ADAMTS5: variants seen among roughly 807,000 people sequenced by gnomAD.
ADAMTS5 encodes the protein ADAM metallopeptidase with thrombospondin type 1 motif 5, also known as A disintegrin and metalloproteinase with thrombospondin motifs 5.
In ADAMTS5, 54 loss-of-function variants were observed where a neutral mutation model predicts 81.4. The observed-to-expected ratio is 0.66, with a 90% CI of 0.53 to 0.83. The LOEUF (loss-of-function observed/expected upper bound fraction) is 0.83. Ranked by LOEUF, ADAMTS5 falls within the 40% of genes least tolerant of loss-of-function variation. The pLI is 0.00. For missense variants in ADAMTS5, 1,194 were observed against 1,229.9 expected (o/e 0.97, Z 0.44); for synonymous variants, 532 against 508.8 (o/e 1.05, Z -0.61).
intron 2 of ADAMTS5, among the ~76,000 whole-genome samples, chr21:26,948,198 G>C (rs1278061652): frequency 6.6e-6 from 1 of 152,182 alleles, no homozygotes; most frequent in Non-Finnish European, 1.5e-5. Context: ...TGTTGGTTCA[G>C]CTTCTTATTC....
rs1987605617 is a variant in ADAMTS5, at chr21:26,964,844, A to G, written c.1104+444T>C. On this transcript the variant is annotated intron_variant, in intron 1 of 7. Coordinates refer to ENST00000284987, the MANE Select transcript of ADAMTS5 (RefSeq NM_007038.5). Reference sequence around the variant, plus strand: ...AAAAGAAGGTCATCGGATAACAGTGAGTACCGTGAGTGAACCATCCAGCCC... The same window carrying G: ...AAAAGAAGGTCATCGGATAACAGTGGGTACCGTGAGTGAACCATCCAGCCC... 1.3e-5 allele frequency among the ~76,000 whole-genome samples: 2 copies of G among 152,246 alleles called. 1 individual carries two copies. The highest frequency in any genetic ancestry group is 4.1e-4 in the South Asian group (2 of 4,828).
At chr21:26,926,194 C>A (rs921911216) in intron 7 of ADAMTS5, among the ~76,000 whole-genome samples, 1 of 152,108 alleles carries the variant, frequency 6.6e-6, no homozygotes, top group South Asian at 2.1e-4. Flanking sequence ...TCGCTTTAGC[C>A]CAGGTCTTGG....
At chr21:26,932,770 ATAT>A (rs1330540982) in intron 5 of ADAMTS5, 88 bp downstream of exon 5, 23 of 1,387,308 alleles carry the variant, frequency 1.7e-5, no homozygotes, top group Admixed American at 2.5e-5. Context: ...TATAAGATTA[ATAT>A]TATTTCCCCA....
chr21:26,943,581 CGTGATTGT>C (rs768686943), intron 2 of ADAMTS5, 34 bp from the exon 3 acceptor site: 3 of 1,579,180 alleles, frequency 1.9e-6, no homozygotes, highest in Non-Finnish European at 2.6e-6. Flanking sequence ...ACAAATAATC[CGTGATTGT>C]GTATTTCTAT....
At chr21:26,925,282 T>C (rs1419954319) in intron 7 of ADAMTS5, among the ~76,000 whole-genome samples, 1 of 152,202 alleles carries the variant, frequency 6.6e-6, no homozygotes, top group African/African-American at 2.4e-5. Flanking sequence ...ATTCTGGATT[T>C]GGTGGGACAG....
chr21:26,945,981 T>A (rs1399727650), intron 2 of ADAMTS5, among the ~76,000 whole-genome samples: 1 of 152,134 alleles, frequency 6.6e-6, no homozygotes, highest in Non-Finnish European at 1.5e-5. Context: ...GAATGAACAC[T>A]CTGTGCTCCA....
rs191073777 is a variant in ADAMTS5 at position 26,939,280 on chromosome 21, A to G, written c.1405+4100T>C. 1.9e-3 allele frequency among the ~76,000 whole-genome samples: 296 copies of G among 152,344 alleles called. 23 individuals are homozygous for G. The South Asian group carries it at 0.049, about 25-fold the overall frequency. ...GTTGAGCAGATGTAATGGCAAGGAAATTAAATTAAAGATTCCCTGTGATAG... is the reference window on the plus strand; with the variant it reads ...GTTGAGCAGATGTAATGGCAAGGAAGTTAAATTAAAGATTCCCTGTGATAG... On this transcript the variant is annotated intron_variant, in intron 3 of 7. Coordinates refer to ENST00000284987, the MANE Select transcript of ADAMTS5 (RefSeq NM_007038.5).
Position 26,959,066 on chromosome 21 carries a change from C to T in ADAMTS5, c.1105-4195G>A, listed in dbSNP as rs145427109. ...GAAAGAGAGTCTGGGCCCAGAGTTC[C>T]AAGTCAGGAAGCTTTCTCTGACAAA... On this transcript the variant is annotated intron_variant, in intron 1 of 7. Coordinates refer to ENST00000284987, the MANE Select transcript of ADAMTS5 (RefSeq NM_007038.5). Among the ~76,000 whole-genome samples, 18 of 152,202 alleles carry T rather than the reference C, an allele frequency of 1.2e-4. No homozygotes were observed. In the East Asian group the frequency reaches 3.5e-3, roughly 29 times the overall value.
In ADAMTS5 at chr21:26,923,885, G is replaced by A. The variant is rs1986748300; in HGVS notation, c.*168C>T. ...GGTCACCACTGTCACGTGAAGCAGT[G>A]CACATCCTCTTTTGGTCACAGAGAG... is the stretch of plus-strand genomic sequence containing the variant. On this transcript the variant is annotated 3_prime_UTR_variant, in exon 8 of 8. Coordinates refer to ENST00000284987, the MANE Select transcript of ADAMTS5 (RefSeq NM_007038.5). 1 of 672,906 alleles carries A rather than the reference G, an allele frequency of 1.5e-6. No homozygotes were observed. Among genetic ancestry groups the A allele is most frequent in the Non-Finnish European group, 2.4e-6 (1 of 412,490 alleles). The allele number at this position is 672,906 out of a possible 1,614,324, so 41.7% of individuals were successfully genotyped here.
At chr21:26,938,240 C>T (rs1006040073) in intron 3 of ADAMTS5, among the ~76,000 whole-genome samples, 12 of 149,696 alleles carry the variant, frequency 8.0e-5, no homozygotes, top group East Asian at 1.9e-4. Flanking sequence ...AGCGAAACTC[C>T]GTCTCAAAAA....
At chr21:26,946,832 A>G (rs1987225000) in intron 2 of ADAMTS5, among the ~76,000 whole-genome samples, 1 of 152,206 alleles carries the variant, frequency 6.6e-6, no homozygotes, top group South Asian at 2.1e-4. Flanking sequence ...GGGGGATGGA[A>G]TCGAGAAATC....
At chr21:26,954,600 T>C in intron 2 of ADAMTS5, 139 bp downstream of exon 2, 8 of 1,288,982 alleles carry the variant, frequency 6.2e-6, no homozygotes, top group Non-Finnish European at 8.4e-6. Context: ...ACCTTAAAAG[T>C]GCAGATATAA....
chr21:26,927,747 G>A (rs1986830889), intron 7 of ADAMTS5, among the ~76,000 whole-genome samples: 1 of 152,114 alleles, frequency 6.6e-6, no homozygotes, highest in Non-Finnish European at 1.5e-5. Flanking sequence ...GGTAAGATGA[G>A]ATTGAGGAGC....
intron 3 of ADAMTS5, among the ~76,000 whole-genome samples, chr21:26,940,081 C>T (rs573183124): frequency 3.9e-5 from 6 of 152,230 alleles, no homozygotes; most frequent in African/African-American, 1.4e-4. Flanking sequence ...TGGCAGTGGA[C>T]GAGTGCTACA....
intron 3 of ADAMTS5, among the ~76,000 whole-genome samples, chr21:26,940,970 G>A (rs1455657019): frequency 1.3e-5 from 2 of 152,218 alleles, no homozygotes; most frequent in Admixed American, 6.5e-5. Context: ...TAGCACTACA[G>A]GGAGTACCAC....
intron 2 of ADAMTS5, among the ~76,000 whole-genome samples, chr21:26,954,523 T>G (rs162508): frequency 0.23 from 34,264 of 152,170 alleles, 4,632 homozygotes; most frequent in Admixed American, 0.31. Context: ...AACTTTTAAA[T>G]GACACTGTCA....
Position 26,966,509 on chromosome 21 carries a change from T to C in ADAMTS5, c.-118A>G, listed in dbSNP as rs1426553370. ...ACACACACTTGCTTGCAGGATTGAG[T>C]CAAGTGTCGGAGGGAGGGGGGCCCG... On this transcript the variant is annotated 5_prime_UTR_variant, in exon 1 of 8. Transcript: ENST00000284987. 3 of 992,982 alleles carry C rather than the reference T, an allele frequency of 3.0e-6. No individual in the cohort carries two copies. The highest frequency in any genetic ancestry group is 2.7e-6 in the Non-Finnish European group (2 of 748,684). 61.5% of individuals were successfully genotyped at this position (992,982 alleles called of 1,614,324 possible).
In ADAMTS5 at chr21:26,954,984, C is replaced by T; in HGVS notation, c.1105-113G>A. On this transcript the variant is annotated intron_variant, in intron 1 of 7. Coordinates refer to ENST00000284987, the MANE Select transcript of ADAMTS5 (RefSeq NM_007038.5). ...AACAGGGATATGTTTATGGTATCAC[C>T]TGTTCCTCTCTGGAAACGTTCCAAA... 5 of 1,302,654 alleles carry T rather than the reference C, an allele frequency of 3.8e-6. No individual in the cohort carries two copies. In the South Asian group the frequency reaches 7.4e-5, roughly 19 times the overall value. The allele number at this position is 1,302,654 out of a possible 1,614,324, so 80.7% of individuals were successfully genotyped here.
Position 26,919,459 on chromosome 21 carries a change from G to T in ADAMTS5, c.*4594C>A, listed in dbSNP as rs1315041462. The T allele has an allele frequency of 7.1e-6, 1 of 140,928 alleles. No individual in the cohort carries two copies. The highest frequency in any genetic ancestry group is 2.5e-5 in the African/African-American group (1 of 39,334). 8.7% of individuals were successfully genotyped at this position (140,928 alleles called of 1,614,324 possible). A position where few individuals can be genotyped will look rare whatever the true frequency, so the allele number is the denominator to read the frequency against. On this transcript the variant is annotated 3_prime_UTR_variant, in exon 8 of 8. Transcript: ENST00000284987. Reference sequence around the variant, plus strand: ...AATGCAATTAACTGGGCTAACTAATGTGTATGTTAATGTCTTTTTTTTTTC... The same window carrying T: ...AATGCAATTAACTGGGCTAACTAATTTGTATGTTAATGTCTTTTTTTTTTC...
Sources: gnomAD v4.1 joint callset for allele counts (sites outside exome capture counted in the v4.1 genomes callset) on GRCh38, gnomAD v4.1.1 for gene constraint, MANE v1.5 for transcripts, NCBI Gene and HGNC (gene_info 2026-07-23, HGNC 2026-07-21) for gene names.